ZNF296: variants seen among roughly 807,000 people sequenced by gnomAD.
ZNF296 encodes zinc finger protein 296, also known as zinc finger protein 342.
A neutral mutation model predicts 13.2 loss-of-function variants in ZNF296; 1 was observed. The ratio of observed to expected loss-of-function variants is 0.08; its 90% CI spans 0.03 to 0.36. ZNF296 has a LOEUF of 0.36. Ranked by LOEUF, ZNF296 falls within the 10% of genes least tolerant of loss-of-function variation. The pLI is 0.99. For missense variants in ZNF296, 555 were observed against 688.2 expected (o/e 0.81, Z 2.16); for synonymous variants, 303 against 289.0 (o/e 1.05, Z -0.49).
At position 45,076,275 on chromosome 19, in the gene ZNF296, T is replaced by G; in HGVS notation, c.99A>C (p.Glu33Asp). 6.7e-7 allele frequency: 1 copy of G among 1,487,012 alleles called. No homozygotes were observed. The allele number at this position is 1,487,012 out of a possible 1,614,324, so 92.1% of individuals were successfully genotyped here. ...GCTGCGCGTCTGGCTCGGGCTTGAG[T>G]TCGATGACGAGGTCCTGCATTTCCA... ...DEMEMQDLVI[E>D]LKPEPDAQPQ... Residue 33 changes from glutamate to aspartate, a missense_variant, in exon 1 of 3, where the codon GAA becomes GAC. Glu to Asp is a conservative substitution (Grantham distance 45). Transcript: ENST00000303809. This position sits in a 1 kb window ranked among gnomAD's most constrained non-coding sequence, Gnocchi z 4.9.
Position 45,075,714 on chromosome 19 carries a change from T to G in ZNF296, c.447A>C (p.Ser149=). 1.2e-6 allele frequency: 2 copies of G among 1,613,898 alleles called. No homozygotes were observed. Among genetic ancestry groups the G allele is most frequent in the Non-Finnish European group, 1.7e-6 (2 of 1,179,922 alleles). The change falls in exon 2 of 3, where the codon TCA becomes TCC. Residue 149 remains serine (S), a splice_region_variant and synonymous_variant. Coordinates refer to ENST00000303809, the MANE Select transcript of ZNF296 (RefSeq NM_145288.3). Reference sequence around the variant, plus strand: ...GGGACTGCACCCGGCTTTACTCACCTGAGCCCTGGCCGCGGCTGGGGCCTC... The same window carrying G: ...GGGACTGCACCCGGCTTTACTCACCGGAGCCCTGGCCGCGGCTGGGGCCTC... ...LFRGPSRGQG[S]EREELKALSC...
At position 45,071,603 on chromosome 19, in the gene ZNF296, AG is replaced by A. The variant is rs768376195; in HGVS notation, c.1425del (p.Ter476GlufsTer18). ...RQKHPEAAGE[A>X] Reference sequence around the variant, plus strand: ...CAGTGAGGGGGGCTTTCCTGGGCTCAGGCCTCGCCGGCCGCCTCAGGGTGCT... The same window carrying A: ...CAGTGAGGGGGGCTTTCCTGGGCTCAGCCTCGCCGGCCGCCTCAGGGTGCT... On this transcript the variant is annotated frameshift_variant, in exon 3 of 3. Coordinates refer to ENST00000303809, the MANE Select transcript of ZNF296 (RefSeq NM_145288.3). LOFTEE classifies it high-confidence loss of function. The A allele has an allele frequency of 6.6e-7, 1 of 1,512,142 alleles. No homozygotes were observed. Among genetic ancestry groups the A allele is most frequent in the Non-Finnish European group, 8.8e-7 (1 of 1,138,222 alleles). 93.7% of individuals were successfully genotyped at this position (1,512,142 alleles called of 1,614,324 possible). A position where few individuals can be genotyped will look rare whatever the true frequency, so the allele number is the denominator to read the frequency against.
At position 45,071,863 on chromosome 19, in the gene ZNF296, TCA is replaced by T; in HGVS notation, c.1164_1165del (p.Cys388Ter). ...GTTGGTAAAATGCTTCCCGCAGAAC[TCA>T]CAGCTGCCCCCGGGCCCGCGGCTCT... is the stretch of plus-strand genomic sequence containing the variant. On this transcript the variant is annotated stop_gained and frameshift_variant, in exon 3 of 3. Transcript: ENST00000303809. LOFTEE classifies it low-confidence loss of function (END_TRUNC). The T allele has an allele frequency of 6.2e-7, 1 of 1,613,098 alleles. No homozygotes were observed. Among genetic ancestry groups the T allele is most frequent in the Non-Finnish European group, 8.5e-7 (1 of 1,179,982 alleles).
At chr19:45,075,448 G>T (rs932167168) in intron 2 of ZNF296, among the ~76,000 whole-genome samples, 6 of 152,272 alleles carry the variant, frequency 3.9e-5, no homozygotes, top group Middle Eastern at 3.4e-3. Flanking sequence ...TGTTGGGGGG[G>T]GCAAAATCCC....
rs1261542376 is a variant in ZNF296, at chr19:45,076,388, G to A, written c.-15C>T. Reference sequence around the variant, plus strand: ...CGGCGGGACATGAGTCGCGGGCCGGGCGAGCGAGCGGGCGGGCAGGCAGGC... The same window carrying A: ...CGGCGGGACATGAGTCGCGGGCCGGACGAGCGAGCGGGCGGGCAGGCAGGC... On this transcript the variant is annotated 5_prime_UTR_variant, in exon 1 of 3. Coordinates refer to ENST00000303809, the MANE Select transcript of ZNF296 (RefSeq NM_145288.3). The surrounding 1 kb of genome is among the most constrained non-coding windows in gnomAD (Gnocchi z 4.9). 3.1e-6 allele frequency: 4 copies of A among 1,270,166 alleles called. No individual in the cohort carries two copies. In the African/African-American group the frequency reaches 4.6e-5, roughly 15 times the overall value. 78.7% of individuals were successfully genotyped at this position (1,270,166 alleles called of 1,614,324 possible).
Position 45,072,315 on chromosome 19 carries a change from C to T in ZNF296, c.714G>A (p.Lys238=), listed in dbSNP as rs759033326. 14 of 1,613,314 alleles carry T rather than the reference C, an allele frequency of 8.7e-6. No homozygotes were observed. The highest frequency in any genetic ancestry group is 1.1e-5 in the Non-Finnish European group (13 of 1,179,922). The change falls in exon 3 of 3, where the codon AAG becomes AAA. Residue 238 remains lysine (K), a synonymous_variant. Coordinates refer to ENST00000303809, the MANE Select transcript of ZNF296 (RefSeq NM_145288.3). ...RRSPTCPVCK[K]TLSSFSNLKV... ...TGAGGTTGCTGAAGGAGCTGAGGGT[C>T]TTCTTGCACACAGGACAGGTGGGGC...
intron 2 of ZNF296, among the ~76,000 whole-genome samples, chr19:45,075,036 G>C (rs1967318676): frequency 6.6e-6 from 1 of 152,176 alleles, no homozygotes; most frequent in Non-Finnish European, 1.5e-5. Context: ...ACTAGGTTTG[G>C]ATTAAGCCCT....
Position 45,072,202 on chromosome 19 carries a change from C to T in ZNF296, c.827G>A (p.Arg276His). 1 of 1,606,736 alleles carries T rather than the reference C, an allele frequency of 6.2e-7. No homozygotes were observed. The highest frequency in any genetic ancestry group is 2.2e-5 in the East Asian group (1 of 44,754). ...CACCTGCCGGTGGGTCTTCTTGTGGCGGTTGAGCTTGCTGCTCTGGGCGCA... is the reference window on the plus strand; with the variant it reads ...CACCTGCCGGTGGGTCTTCTTGTGGTGGTTGAGCTTGCTGCTCTGGGCGCA... Reference protein sequence around the residue: ...YACAQSSKLNRHKKTHRQVPP... With the variant: ...YACAQSSKLNHHKKTHRQVPP... Residue 276 changes from arginine (R) to histidine (H), a missense_variant, in exon 3 of 3, where the codon CGC (arginine) becomes CAC (histidine). Coordinates refer to ENST00000303809, the MANE Select transcript of ZNF296 (RefSeq NM_145288.3).
In ZNF296 at chr19:45,072,470, T is replaced by C. The variant is rs775309883; in HGVS notation, c.559A>G (p.Thr187Ala). The C allele has an allele frequency of 6.2e-7, 1 of 1,613,326 alleles. No homozygotes were observed. Among genetic ancestry groups the C allele is most frequent in the South Asian group, 1.1e-5 (1 of 91,086 alleles). Residue 187 changes from threonine to alanine, a missense_variant, in exon 3 of 3, where the codon ACA becomes GCA. Physicochemically the swap from Thr to Ala is moderately conservative, Grantham distance 58. This residue lies in a region of ZNF296 where 410 missense variants were observed against 548.0 expected (regional missense o/e 0.75). Transcript: ENST00000303809. ...GGGGCCTCCGGGGCCTCTGATTCTG[T>C]CTGGTAGATGGACAGTCCGTGGTCC... Reference protein sequence around the residue: ...QWDHGLSIYQTESEAPEAPLL... With the variant: ...QWDHGLSIYQAESEAPEAPLL...
In ZNF296 at chr19:45,072,110, C is replaced by A; in HGVS notation, c.919G>T (p.Ala307Ser). 1.2e-6 allele frequency: 2 copies of A among 1,609,022 alleles called. No homozygotes were observed. Among genetic ancestry groups the A allele is most frequent in the Non-Finnish European group, 8.5e-7 (1 of 1,177,578 alleles). ...EQASAAPPEP[A>S]VHAAAPTSTL... Reference sequence around the variant, plus strand: ...CTGGTGGGGGCAGCAGCATGGACAGCCGGCTCCGGAGGGGCTGCAGAGGCC... The same window carrying A: ...CTGGTGGGGGCAGCAGCATGGACAGACGGCTCCGGAGGGGCTGCAGAGGCC... The change falls in exon 3 of 3, where the codon GCT (alanine) becomes TCT (serine). Residue 307 changes from alanine (A) to serine (S), a missense_variant. By Grantham distance (99) the Ala-to-Ser change is moderately conservative (BLOSUM62 1). Transcript: ENST00000303809.
chr19:45,076,067 G>C lies in ZNF296; in HGVS notation c.298+9C>G. On this transcript the variant is annotated intron_variant, in intron 1 of 2. Coordinates refer to ENST00000303809, the MANE Select transcript of ZNF296 (RefSeq NM_145288.3). This position sits in a 1 kb window ranked among gnomAD's most constrained non-coding sequence, Gnocchi z 4.9. The stretch of plus-strand genomic sequence containing the variant: ...AAGGGAGGCTGGGCCCAGGGCCCGG[G>C]GTGCTCACCGGGATAGTTCGGGGTC... The C allele has an allele frequency of 3.2e-6, 5 of 1,580,536 alleles. No homozygotes were observed. Among genetic ancestry groups the C allele is most frequent in the Non-Finnish European group, 4.3e-6 (5 of 1,169,032 alleles).
intron 2 of ZNF296, among the ~76,000 whole-genome samples, chr19:45,073,607 G>A (rs945918618): frequency 7.3e-5 from 11 of 149,886 alleles, no homozygotes; most frequent in East Asian, 2.0e-4. Context: ...CACCGCACCC[G>A]GCCGCCCAGG....
intron 2 of ZNF296, among the ~76,000 whole-genome samples, chr19:45,073,957 G>A (rs537183910): frequency 6.6e-6 from 1 of 151,838 alleles, no homozygotes; most frequent in Non-Finnish European, 1.5e-5. Flanking sequence ...AGGAGGCGGA[G>A]GTTGCAGTGA....
Position 45,072,327 on chromosome 19 carries a change from A to T in ZNF296, c.702T>A (p.Pro234=). 6.2e-7 allele frequency: 1 copy of T among 1,613,080 alleles called. No individual in the cohort carries two copies. Among genetic ancestry groups the T allele is most frequent in the Non-Finnish European group, 8.5e-7 (1 of 1,179,920 alleles). The change falls in exon 3 of 3, where the codon CCT becomes CCA. Residue 234 remains proline, a synonymous_variant. Transcript: ENST00000303809. ...SGLTRRSPTC[P]VCKKTLSSFS... Reference sequence around the variant, plus strand: ...AGGAGCTGAGGGTCTTCTTGCACACAGGACAGGTGGGGCTCCGCCGGGTGA... The same window carrying T: ...AGGAGCTGAGGGTCTTCTTGCACACTGGACAGGTGGGGCTCCGCCGGGTGA...
At position 45,076,109 on chromosome 19, in the gene ZNF296, T is replaced by C. The variant is rs1967342868; in HGVS notation, c.265A>G (p.Thr89Ala). The stretch of plus-strand genomic sequence containing the variant: ...TTCGGGGTCAACGGCGTCCACAGGG[T>C]CCACGGGTTCCGCGGGCCGAGGGCG... Reference protein sequence around the residue: ...LLALGPRNPWTLWTPLTPNYP... With the variant: ...LLALGPRNPWALWTPLTPNYP... The change falls in exon 1 of 3, where the codon ACC becomes GCC. Residue 89 changes from threonine to alanine, a missense_variant. This residue lies in a region of ZNF296 where 137 missense variants were observed against 121.9 expected (regional missense o/e 1.12). Coordinates refer to ENST00000303809, the MANE Select transcript of ZNF296 (RefSeq NM_145288.3). This position sits in a 1 kb window ranked among gnomAD's most constrained non-coding sequence, Gnocchi z 4.9. 1 of 1,573,976 alleles carries C rather than the reference T, an allele frequency of 6.4e-7. No individual in the cohort carries two copies. The highest frequency in any genetic ancestry group is 8.6e-7 in the Non-Finnish European group (1 of 1,165,640).
In ZNF296 at chr19:45,071,597, G is replaced by A; in HGVS notation, c.*4C>T. The A allele has an allele frequency of 6.6e-7, 1 of 1,508,128 alleles. No individual in the cohort carries two copies. The highest frequency in any genetic ancestry group is 8.8e-7 in the Non-Finnish European group (1 of 1,136,692). The allele number at this position is 1,508,128 out of a possible 1,614,324, so 93.4% of individuals were successfully genotyped here. On this transcript the variant is annotated 3_prime_UTR_variant, in exon 3 of 3. Coordinates refer to ENST00000303809, the MANE Select transcript of ZNF296 (RefSeq NM_145288.3). ...CAGGGACAGTGAGGGGGGCTTTCCT[G>A]GGCTCAGGCCTCGCCGGCCGCCTCA...
At chr19:45,074,442 A>G (rs898458097) in intron 2 of ZNF296, among the ~76,000 whole-genome samples, 5 of 152,186 alleles carry the variant, frequency 3.3e-5, no homozygotes, top group Admixed American at 6.5e-5. Flanking sequence ...CACCCTCTGC[A>G]TGGATCTCAA....
chr19:45,072,651 T>C lies in ZNF296; in HGVS notation c.449-71A>G. The C allele has an allele frequency of 2.0e-6, 3 of 1,508,208 alleles. No homozygotes were observed. The South Asian group carries it at 4.0e-5, about 20-fold the overall frequency. 93.4% of individuals were successfully genotyped at this position (1,508,208 alleles called of 1,614,324 possible). A position where few individuals can be genotyped will look rare whatever the true frequency, so the allele number is the denominator to read the frequency against. On this transcript the variant is annotated intron_variant, in intron 2 of 2. Coordinates refer to ENST00000303809, the MANE Select transcript of ZNF296 (RefSeq NM_145288.3). The stretch of plus-strand genomic sequence containing the variant: ...TGGACACCTTCTGTGGGATAGGCAC[T>C]CCTGCAGGGGCAAAGGACTTGGCAG...
chr19:45,074,287 G>T (rs1967306226), intron 2 of ZNF296, among the ~76,000 whole-genome samples: 1 of 152,010 alleles, frequency 6.6e-6, no homozygotes, highest in Admixed American at 6.6e-5. Context: ...CTTGAACCTG[G>T]GAGGCGGAGG....
Sources: gnomAD v4.1 joint callset for allele counts (sites outside exome capture counted in the v4.1 genomes callset) on GRCh38, gnomAD v4.1.1 for gene constraint, gnomAD v4.1.1 regional missense constraint, Gnocchi (gnomAD v3.1) non-coding constraint, MANE v1.5 for transcripts, NCBI Gene and HGNC (gene_info 2026-07-23, HGNC 2026-07-21) for gene names.